The following RHBDD1 variants were observed in gnomAD, a reference collection of about 807,000 sequenced individuals.
The protein encoded by RHBDD1 is rhomboid-related protein 4.
In RHBDD1, 38 loss-of-function variants were observed where a neutral mutation model predicts 36.3. The ratio of observed to expected loss-of-function variants is 1.05; its 90% CI spans 0.81 to 1.37. RHBDD1 has a LOEUF of 1.37. Among genes scored for constraint, RHBDD1 ranks in the 40% most tolerant of loss-of-function variants. The pLI is 0.00. For synonymous variants in RHBDD1, 151 were observed against 136.5 expected (o/e 1.11, Z -0.74); for missense variants, 393 against 377.6 (o/e 1.04, Z -0.34).
intron 3 of RHBDD1, among the ~76,000 whole-genome samples, chr2:226,847,807 G>A (rs1170621169): frequency 2.6e-5 from 4 of 152,214 alleles, no homozygotes; most frequent in African/African-American, 4.8e-5. Flanking sequence ...CTTTATACTA[G>A]AAATTCTTAA....
At chr2:226,968,588 T>C (rs1283958952) in intron 8 of RHBDD1, among the ~76,000 whole-genome samples, 1 of 152,218 alleles carries the variant, frequency 6.6e-6, no homozygotes, top group Non-Finnish European at 1.5e-5. Context: ...TAACCTGAGA[T>C]GGTGGCTTAG....
At chr2:226,867,763 G>A in intron 5 of RHBDD1, 1 of 706,974 alleles carries the variant, frequency 1.4e-6, no homozygotes, top group South Asian at 6.4e-5. Context: ...CTGTTACCCA[G>A]GTTGGAGTGC....
At chr2:226,839,705 T>G (rs1477456827) in intron 3 of RHBDD1, 78 bp downstream of exon 3, 1 of 151,382 alleles carries the variant, frequency 6.6e-6, no homozygotes. Context: ...TGGCTTCTCA[T>G]GCAGAGGAGT....
chr2:226,919,821 C>T (rs1471838766), intron 8 of RHBDD1, among the ~76,000 whole-genome samples: 3 of 151,926 alleles, frequency 2.0e-5, no homozygotes. Context: ...TCTGTGGTCC[C>T]ATGTAAATAT....
intron 5 of RHBDD1, among the ~76,000 whole-genome samples, chr2:226,891,785 G>C (rs1013139879): frequency 6.6e-6 from 1 of 152,220 alleles, no homozygotes; most frequent in Non-Finnish European, 1.5e-5. Flanking sequence ...ATATCAGATA[G>C]CTTCTAATAT....
At chr2:226,892,115 T>C (rs1383256088) in intron 5 of RHBDD1, among the ~76,000 whole-genome samples, 3 of 152,220 alleles carry the variant, frequency 2.0e-5, no homozygotes, top group African/African-American at 7.2e-5. Flanking sequence ...CAGCTTGTAT[T>C]GCATAAGCAG....
At chr2:226,856,473 A>G (rs1943338914) in intron 3 of RHBDD1, among the ~76,000 whole-genome samples, 1 of 152,206 alleles carries the variant, frequency 6.6e-6, no homozygotes, top group Non-Finnish European at 1.5e-5. Flanking sequence ...TTGGAAGAAC[A>G]AAGAATTTTA....
At chr2:226,953,987 G>A (rs1277850242) in intron 8 of RHBDD1, among the ~76,000 whole-genome samples, 2 of 152,158 alleles carry the variant, frequency 1.3e-5, no homozygotes, top group East Asian at 1.9e-4. Context: ...CTCCTGCCAT[G>A]GCTTCTGAAG....
the RHBDD1 span, among the ~76,000 whole-genome samples, chr2:226,812,076 T>C: frequency 2.0e-5 from 3 of 152,234 alleles, no homozygotes; most frequent in Non-Finnish European, 4.4e-5. Flanking sequence ...TTAAATTTCC[T>C]CAAGCTAGTT....
intron 8 of RHBDD1, among the ~76,000 whole-genome samples, chr2:226,957,608 GATC>G (rs1951867962): frequency 6.6e-6 from 1 of 151,812 alleles, no homozygotes; most frequent in African/African-American, 2.4e-5. Flanking sequence ...GTAGTGAAAA[GATC>G]ATCACAGATT....
At chr2:226,829,677 T>C in the RHBDD1 span, among the ~76,000 whole-genome samples, 1 of 152,214 alleles carries the variant, frequency 6.6e-6, no homozygotes, top group Non-Finnish European at 1.5e-5. Flanking sequence ...TAGAGAAATA[T>C]GTTTTTCAAA....
At chr2:226,983,983 T>G (rs1956361948) in intron 8 of RHBDD1, among the ~76,000 whole-genome samples, 1 of 152,250 alleles carries the variant, frequency 6.6e-6, no homozygotes, top group South Asian at 2.1e-4. Flanking sequence ...GAACTGTCCC[T>G]GCTCGTATAG....
chr2:226,989,908 T>C (rs1957801925), intron 8 of RHBDD1, among the ~76,000 whole-genome samples: 1 of 152,242 alleles, frequency 6.6e-6, no homozygotes, highest in African/African-American at 2.4e-5. Flanking sequence ...CTTCTTGTTT[T>C]GAGATTCCAG....
chr2:226,804,610 C>G, the RHBDD1 span: 1 of 152,174 alleles, frequency 6.6e-6, no homozygotes, highest in African/African-American at 2.4e-5. Context: ...TTCTAGAGAA[C>G]TGAGGGAAAA....
At chr2:226,915,663 A>G (rs1380383244) in intron 8 of RHBDD1, among the ~76,000 whole-genome samples, 2 of 152,182 alleles carry the variant, frequency 1.3e-5, no homozygotes, top group South Asian at 2.1e-4. Flanking sequence ...AACAGTGTGC[A>G]TGGAGGTGGG....
intron 1 of RHBDD1, chr2:226,837,446 C>G (rs1275438477): frequency 6.6e-6 from 1 of 152,176 alleles, no homozygotes; most frequent in Non-Finnish European, 1.5e-5. Context: ...AAAGTTAAAG[C>G]AGTGCATACT....
intron 5 of RHBDD1, among the ~76,000 whole-genome samples, chr2:226,868,430 T>C (rs1944515835): frequency 2.6e-5 from 4 of 152,196 alleles, no homozygotes; most frequent in Non-Finnish European, 5.9e-5. Context: ...CTGCTTTTTG[T>C]TTAGAAAAAG....
intron 8 of RHBDD1, among the ~76,000 whole-genome samples, chr2:226,937,577 G>A (rs1950409932): frequency 6.6e-6 from 1 of 151,850 alleles, no homozygotes; most frequent in African/African-American, 2.4e-5. Context: ...ATTTTTCCTG[G>A]TCCTCTTCTT....
intron 8 of RHBDD1, among the ~76,000 whole-genome samples, chr2:226,972,326 C>A (rs1953697798): frequency 6.6e-6 from 1 of 152,024 alleles, no homozygotes. Context: ...TCCAGTCAAT[C>A]ATTGATGGAA....
Sources: allele counts gnomAD v4.1 joint callset (sites outside exome capture counted in the v4.1 genomes callset), GRCh38; gene constraint gnomAD v4.1.1; transcripts MANE v1.5; gene names NCBI Gene and HGNC (gene_info 2026-07-23, HGNC 2026-07-21).